EYS: variants seen among roughly 807,000 people sequenced by gnomAD.
EYS encodes protein eyes shut homolog.
In EYS, 250 loss-of-function variants were observed where a neutral mutation model predicts 282.1. The ratio of observed to expected loss-of-function variants is 0.89; its 90% CI spans 0.80 to 0.98. The LOEUF is 0.98. Ranked by LOEUF, EYS falls within the 50% of genes least tolerant of loss-of-function variation. The pLI is 0.00. For synonymous variants in EYS, 1,355 were observed against 1,282.9 expected (o/e 1.06, Z -1.20); for missense variants, 4,016 against 3,709.0 (o/e 1.08, Z -2.15).
At chr6:64,690,688 A>T (rs1348248890) in intron 22 of EYS, among the ~76,000 whole-genome samples, 1 of 152,182 alleles carries the variant, frequency 6.6e-6, no homozygotes, top group Admixed American at 6.5e-5. Flanking sequence ...AGGGACATGG[A>T]TGTAGCTGGA....
At chr6:65,566,325 A>G (rs1769279220) in intron 2 of EYS, among the ~76,000 whole-genome samples, 1 of 151,992 alleles carries the variant, frequency 6.6e-6, no homozygotes, top group Non-Finnish European at 1.5e-5. Flanking sequence ...TATACTGGCA[A>G]GTCACTGAGC....
intron 5 of EYS, among the ~76,000 whole-genome samples, chr6:65,485,471 T>C (rs946702496): frequency 6.6e-6 from 1 of 152,224 alleles, no homozygotes; most frequent in Non-Finnish European, 1.5e-5. Flanking sequence ...GTTGTCAAAG[T>C]GTCAGCTCAG....
chr6:65,443,917 T>C (rs527246760), intron 5 of EYS, among the ~76,000 whole-genome samples: 3 of 151,862 alleles, frequency 2.0e-5, no homozygotes, highest in Non-Finnish European at 4.4e-5. Context: ...TTTTTCTTTA[T>C]ATCCATAAGA....
At chr6:65,591,310 C>T (rs1176241284) in intron 2 of EYS, among the ~76,000 whole-genome samples, 1 of 147,456 alleles carries the variant, frequency 6.8e-6, no homozygotes, top group Non-Finnish European at 1.5e-5. Context: ...TCAATCCTCC[C>T]CCCTCAGCCT....
chr6:65,432,265 C>T (rs1767915676), intron 5 of EYS, among the ~76,000 whole-genome samples: 1 of 151,924 alleles, frequency 6.6e-6, no homozygotes, highest in Non-Finnish European at 1.5e-5. Context: ...GTGTCAGATG[C>T]TTTTCTAGGG....
chr6:63,756,820 A>T (rs997220652), intron 41 of EYS, among the ~76,000 whole-genome samples: 2 of 152,204 alleles, frequency 1.3e-5, no homozygotes, highest in African/African-American at 2.4e-5. Flanking sequence ...AACATAAATT[A>T]TGAAGGTTTC....
At chr6:64,134,830 C>A (rs572154182) in intron 31 of EYS, among the ~76,000 whole-genome samples, 2 of 151,998 alleles carry the variant, frequency 1.3e-5, no homozygotes, top group African/African-American at 2.4e-5. Flanking sequence ...TCAGGTAAGG[C>A]GTGAGGTTGA....
chr6:65,661,826 T>C (rs1024639733), intron 1 of EYS, among the ~76,000 whole-genome samples: 14 of 152,092 alleles, frequency 9.2e-5, no homozygotes, highest in African/African-American at 3.1e-4. Flanking sequence ...GAGAATAGAA[T>C]ACAAAATGGC....
intron 36 of EYS, among the ~76,000 whole-genome samples, chr6:63,829,955 C>T (rs1279482560): frequency 6.6e-6 from 1 of 152,218 alleles, no homozygotes; most frequent in African/African-American, 2.4e-5. Flanking sequence ...AAAACAGGGT[C>T]TGGAGTCGAC....
At chr6:64,107,865 G>A (rs752443303) in intron 31 of EYS, among the ~76,000 whole-genome samples, 6 of 152,158 alleles carry the variant, frequency 3.9e-5, no homozygotes, top group Non-Finnish European at 7.4e-5. Context: ...GATAGCCGGT[G>A]TCCTCAGACT....
At chr6:64,258,138 C>T (rs1394083476) in intron 30 of EYS, among the ~76,000 whole-genome samples, 1 of 151,998 alleles carries the variant, frequency 6.6e-6, no homozygotes, top group African/African-American at 2.4e-5. Context: ...TTTTCCTACA[C>T]AGCAGAAATT....
intron 12 of EYS, among the ~76,000 whole-genome samples, chr6:65,148,164 G>C (rs1265757490): frequency 1.3e-5 from 2 of 152,004 alleles, no homozygotes; most frequent in African/African-American, 4.8e-5. Context: ...GTCCTCAAAG[G>C]CTTAACTGAT....
chr6:65,490,423 A>G (rs1226947577), intron 5 of EYS, 171 bp downstream of exon 5: 4 of 527,826 alleles, frequency 7.6e-6, no homozygotes, highest in Admixed American at 6.6e-5. Flanking sequence ...ATATGATTTA[A>G]TTGTATTAAC....
chr6:65,482,611 A>G (rs1440112330), intron 5 of EYS, among the ~76,000 whole-genome samples: 1 of 152,188 alleles, frequency 6.6e-6, no homozygotes, highest in Non-Finnish European at 1.5e-5. Context: ...GGATTACTCA[A>G]ATGGAGAAAT....
At chr6:65,622,814 G>A (rs1304596705) in intron 2 of EYS, among the ~76,000 whole-genome samples, 2 of 151,152 alleles carry the variant, frequency 1.3e-5, no homozygotes, top group Non-Finnish European at 2.9e-5. Flanking sequence ...CAGGAGTACA[G>A]TGGGGCAGCT....
chr6:65,514,711 T>A (rs1018284577), intron 2 of EYS, among the ~76,000 whole-genome samples: 20 of 152,204 alleles, frequency 1.3e-4, no homozygotes, highest in Non-Finnish European at 2.6e-4. Context: ...ATTTAATAAA[T>A]GGTGCTGGGA....
chr6:64,954,845 T>C (rs1021243168), intron 14 of EYS, among the ~76,000 whole-genome samples: 1 of 152,072 alleles, frequency 6.6e-6, no homozygotes, highest in Non-Finnish European at 1.5e-5. Flanking sequence ...AGTATTTCTA[T>C]ATGCCAAAAG....
intron 7 of EYS, among the ~76,000 whole-genome samples, chr6:65,394,736 C>G (rs560504708): frequency 1.3e-5 from 2 of 152,230 alleles, no homozygotes; most frequent in East Asian, 3.9e-4. Flanking sequence ...GTTCTTTTCC[C>G]CCAAGCAGCT....
intron 15 of EYS, among the ~76,000 whole-genome samples, chr6:64,915,925 T>C (rs917135147): frequency 1.3e-5 from 2 of 152,108 alleles, no homozygotes; most frequent in South Asian, 4.1e-4. Context: ...TTCTTTTCTT[T>C]TCTTTTTTTA....
Sources: allele counts gnomAD v4.1 joint callset (sites outside exome capture counted in the v4.1 genomes callset), GRCh38; gene constraint gnomAD v4.1.1; transcripts MANE v1.5; gene names NCBI Gene and HGNC (gene_info 2026-07-23, HGNC 2026-07-21).